The following PDZD2 variants were observed in gnomAD, a reference collection of about 807,000 sequenced individuals.
PDZD2 encodes the protein PDZ domain-containing protein 2.
Under a neutral mutation model 220.7 loss-of-function variants are expected in PDZD2, and 90 were observed. That is an observed-to-expected ratio of 0.41 (90% confidence interval 0.34 to 0.49). The LOEUF (loss-of-function observed/expected upper bound fraction) is 0.49. PDZD2 is among the 20% of genes least tolerant of loss of function. The pLI is 0.28. For missense variants in PDZD2, 3,174 were observed against 3,608.5 expected (o/e 0.88, Z 3.08); for synonymous variants, 1,375 against 1,450.5 (o/e 0.95, Z 1.18).
Position 32,088,397 on chromosome 5 carries a change from C to T in PDZD2, c.4949C>T (p.Ala1650Val). 6.2e-7 allele frequency: 1 copy of T among 1,614,086 alleles called. No individual in the cohort carries two copies. The highest frequency in any genetic ancestry group is 8.5e-7 in the Non-Finnish European group (1 of 1,180,024). ...ESVASPREKA[A>V]CLPGSYTSGP... ...GTGGCCAGTCCCCGTGAGAAGGCCG[C>T]CTGCTTGCCAGGCTCATACACTTCA... Residue 1650 changes from alanine to valine, a missense_variant, in exon 20 of 25, where the codon GCC (alanine) becomes GTC (valine). This residue lies in a region of PDZD2 where 1,861 missense variants were observed against 2,001.0 expected (regional missense o/e 0.93). Transcript: ENST00000438447. This position sits in a 1 kb window ranked among gnomAD's most constrained non-coding sequence, Gnocchi z 4.6.
intron 1 of PDZD2, among the ~76,000 whole-genome samples, chr5:31,685,807 C>T (rs1746832540): frequency 6.6e-6 from 1 of 151,698 alleles, no homozygotes; most frequent in Non-Finnish European, 1.5e-5. Context: ...AGGTGTGAGT[C>T]ACCGCACCCA....
At chr5:31,781,933 C>G (rs541087401) in intron 1 of PDZD2, among the ~76,000 whole-genome samples, 1 of 116,708 alleles carries the variant, frequency 8.6e-6, no homozygotes, top group South Asian at 2.6e-4. Context: ...AGACCAGAGC[C>G]TGAGATAACA....
chr5:31,979,402 A>T (rs1418970922), intron 2 of PDZD2, among the ~76,000 whole-genome samples: 1 of 152,016 alleles, frequency 6.6e-6, no homozygotes, highest in Non-Finnish European at 1.5e-5. Flanking sequence ...AACATGGTGA[A>T]ACCCCATCTC....
At chr5:31,822,932 T>C in intron 2 of PDZD2, 1 of 966,240 alleles carries the variant, frequency 1.0e-6, no homozygotes. Context: ...GTCTGAACGG[T>C]GGCCAGCTCC....
intron 6 of PDZD2, among the ~76,000 whole-genome samples, chr5:32,018,405 A>G (rs746308464): frequency 3.9e-5 from 6 of 152,146 alleles, no homozygotes; most frequent in East Asian, 1.9e-4. Context: ...CTGTCTCCCT[A>G]TTTTCTGCAG....
intron 5 of PDZD2, among the ~76,000 whole-genome samples, chr5:32,007,602 A>G (rs757523030): frequency 7.9e-5 from 12 of 152,212 alleles, no homozygotes; most frequent in Non-Finnish European, 1.6e-4. Context: ...CAGCTTGCTA[A>G]TATTCAGTAA....
chr5:31,979,622 G>A (rs957152542), intron 2 of PDZD2, among the ~76,000 whole-genome samples: 1 of 151,356 alleles, frequency 6.6e-6, no homozygotes, highest in African/African-American at 2.4e-5. Context: ...TTTATGTTTT[G>A]TGCTGTGCAC....
intron 1 of PDZD2, among the ~76,000 whole-genome samples, chr5:31,674,829 C>G (rs1746344307): frequency 6.6e-6 from 1 of 151,690 alleles, no homozygotes; most frequent in Non-Finnish European, 1.5e-5. Flanking sequence ...ATCAATGTGA[C>G]CGCCCTTCCA....
chr5:31,959,665 A>G (rs189386291), intron 2 of PDZD2, among the ~76,000 whole-genome samples: 1 of 152,296 alleles, frequency 6.6e-6, no homozygotes, highest in East Asian at 1.9e-4. Context: ...TGAAAGTTCA[A>G]GAGTCAATAA....
At chr5:31,868,917 C>T (rs557374699) in intron 2 of PDZD2, among the ~76,000 whole-genome samples, 24 of 152,216 alleles carry the variant, frequency 1.6e-4, no homozygotes, top group African/African-American at 2.2e-4. Context: ...GAACTACAGG[C>T]GTGCGCCACC....
intron 2 of PDZD2, among the ~76,000 whole-genome samples, chr5:31,844,249 TTAA>T (rs1259783902): frequency 3.9e-5 from 6 of 152,152 alleles, no homozygotes; most frequent in African/African-American, 7.2e-5. Context: ...GTGGTTGAAC[TTAA>T]TGATGCAAAA....
intron 1 of PDZD2, among the ~76,000 whole-genome samples, chr5:31,730,782 C>T (rs1349228939): frequency 6.6e-6 from 1 of 152,092 alleles, no homozygotes; most frequent in African/African-American, 2.4e-5. Context: ...CATTTTAAAA[C>T]ATTTGATACA....
chr5:31,981,845 G>A lies in PDZD2; in HGVS notation c.477-1310G>A, dbSNP rs529372912. ...CCTGGTTTCCTGACTTTGCACAAGG[G>A]TTTTCTTTGCCCAAGCTTTGATGAT... On this transcript the variant is annotated intron_variant, in intron 2 of 24. Coordinates refer to ENST00000438447, the MANE Select transcript of PDZD2 (RefSeq NM_178140.4). Among the ~76,000 whole-genome samples the A allele has an allele frequency of 9.1e-4, 139 of 152,218 alleles. 1 individual carries two copies. Among genetic ancestry groups the A allele is most frequent in the Non-Finnish European group, 1.8e-3 (122 of 68,016 alleles).
intron 13 of PDZD2, 63 bp from the exon 14 acceptor site, chr5:32,060,939 G>A: frequency 6.5e-7 from 1 of 1,528,002 alleles, no homozygotes; most frequent in African/African-American, 1.4e-5. Flanking sequence ...CTAGCAAGAA[G>A]GCTATTTTAG....
chr5:32,088,557 C>T lies in PDZD2; in HGVS notation c.5109C>T (p.Ser1703=). 4.3e-6 allele frequency: 7 copies of T among 1,614,054 alleles called. No homozygotes were observed. The highest frequency in any genetic ancestry group is 5.9e-6 in the Non-Finnish European group (7 of 1,179,894). The change falls in exon 20 of 25, where the codon AGC becomes AGT. Residue 1703 remains serine, a synonymous_variant. Coordinates refer to ENST00000438447, the MANE Select transcript of PDZD2 (RefSeq NM_178140.4). The surrounding 1 kb of genome is among the most constrained non-coding windows in gnomAD (Gnocchi z 4.6). ...AEETTEVTSA[S]SAMENSPLSK... ...AAACCACAGAAGTCACCAGCGCTAGCTCAGCCATGGAAAACAGTCCGCTGT... is the reference window on the plus strand; with the variant it reads ...AAACCACAGAAGTCACCAGCGCTAGTTCAGCCATGGAAAACAGTCCGCTGT...
At chr5:32,031,693 G>GA (rs1321726101) in intron 6 of PDZD2, among the ~76,000 whole-genome samples, 1 of 151,896 alleles carries the variant, frequency 6.6e-6, no homozygotes, top group African/African-American at 2.4e-5. Flanking sequence ...AGACCTGGGG[G>GA]GAGAAAGCTT....
rs5867101 is a variant in PDZD2, at chr5:31,770,820, G to GAA, written c.-360-28059_-360-28058dup. Reference sequence around the variant, plus strand: ...CAGCTCTCTTAGAGCCTCAAATTTAGAAAAAAAAAAATCAAGATGCCATGA... The same window carrying GAA: ...CAGCTCTCTTAGAGCCTCAAATTTAGAAAAAAAAAAAAATCAAGATGCCATGA... On this transcript the variant is annotated intron_variant, in intron 1 of 24. Coordinates refer to ENST00000438447, the MANE Select transcript of PDZD2 (RefSeq NM_178140.4). Among the ~76,000 whole-genome samples the GAA allele has an allele frequency of 4.0e-3, 599 of 149,448 alleles. 3 individuals carry two copies. Among genetic ancestry groups the GAA allele is most frequent in the Admixed American group, 7.8e-3 (117 of 15,042 alleles).
chr5:31,641,028 A>G (rs1482895490), intron 1 of PDZD2, among the ~76,000 whole-genome samples: 4 of 152,198 alleles, frequency 2.6e-5, no homozygotes, highest in Non-Finnish European at 5.9e-5. Context: ...CATGTACTTT[A>G]TGGCAGTTTA....
intron 1 of PDZD2, among the ~76,000 whole-genome samples, chr5:31,769,553 A>T (rs1414416691): frequency 6.6e-6 from 1 of 152,252 alleles, no homozygotes; most frequent in African/African-American, 2.4e-5. Flanking sequence ...AATTTTGCCT[A>T]AAAGAGCCCG....
Sources: gnomAD v4.1 joint callset for allele counts (sites outside exome capture counted in the v4.1 genomes callset) on GRCh38, gnomAD v4.1.1 for gene constraint, gnomAD v4.1.1 regional missense constraint, Gnocchi (gnomAD v3.1) non-coding constraint, MANE v1.5 for transcripts, NCBI Gene and HGNC (gene_info 2026-07-23, HGNC 2026-07-21) for gene names.